The following MSRA variants were observed in gnomAD, a reference collection of about 807,000 sequenced individuals.
MSRA encodes methionine sulfoxide reductase A.
Under a neutral mutation model 31.3 loss-of-function variants are expected in MSRA, and 54 were observed. That is an observed-to-expected ratio of 1.73 (90% confidence interval 1.39 to 2.17). The LOEUF is 2.17. MSRA is among the 30% of genes most tolerant of loss of function. MSRA has a pLI of 0.00. For missense variants in MSRA, 507 were observed against 300.9 expected, an observed-to-expected ratio of 1.69 and a Z score of -5.07; for synonymous variants, 169 against 116.5, an observed-to-expected ratio of 1.45 and a Z score of -2.90.
chr8:10,077,673 C>G (rs2128921557), intron 1 of MSRA, among the ~76,000 whole-genome samples: 1 of 151,964 alleles, frequency 6.6e-6, no homozygotes, highest in African/African-American at 2.4e-5. Context: ...TCCTCTCAGC[C>G]TCCCTCACTC....
chr8:10,264,401 A>G (rs1015541880), intron 3 of MSRA, among the ~76,000 whole-genome samples: 6 of 152,250 alleles, frequency 3.9e-5, no homozygotes, highest in Non-Finnish European at 7.3e-5. Flanking sequence ...ATTGCAAGAT[A>G]TATTTGATTC....
chr8:10,335,397 G>T (rs957997364), intron 5 of MSRA, among the ~76,000 whole-genome samples: 9 of 151,824 alleles, frequency 5.9e-5, no homozygotes, highest in African/African-American at 2.2e-4. Flanking sequence ...TGGCTCCAAA[G>T]CCGCGAGGAC....
chr8:10,249,596 G>T (rs1224926884), intron 3 of MSRA, among the ~76,000 whole-genome samples: 1 of 152,060 alleles, frequency 6.6e-6, no homozygotes, highest in East Asian at 1.9e-4. Flanking sequence ...AGATGTTTTG[G>T]GCCTGAATTC....
intron 5 of MSRA, among the ~76,000 whole-genome samples, chr8:10,367,455 G>A (rs1416670017): frequency 2.6e-5 from 4 of 152,192 alleles, no homozygotes; most frequent in Non-Finnish European, 5.9e-5. Context: ...AGCATCCACC[G>A]GGGGTCTTGG....
intron 1 of MSRA, among the ~76,000 whole-genome samples, chr8:10,069,595 A>T (rs952889684): frequency 2.0e-5 from 3 of 152,226 alleles, no homozygotes; most frequent in African/African-American, 7.2e-5. Flanking sequence ...TTGGAGAAAC[A>T]GTGTGTCCTC....
chr8:10,274,644 G>A (rs1424112949), intron 3 of MSRA, among the ~76,000 whole-genome samples: 1 of 152,078 alleles, frequency 6.6e-6, no homozygotes, highest in African/African-American at 2.4e-5. Flanking sequence ...GTATCCATGT[G>A]TTATCCATAT....
At chr8:10,103,541 T>C (rs1799672781) in intron 1 of MSRA, among the ~76,000 whole-genome samples, 1 of 152,164 alleles carries the variant, frequency 6.6e-6, no homozygotes, top group African/African-American at 2.4e-5. Context: ...GTTCAGAATA[T>C]TAAGTGAGAT....
chr8:10,161,753 G>A (rs1255995426), intron 1 of MSRA, among the ~76,000 whole-genome samples: 1 of 152,086 alleles, frequency 6.6e-6, no homozygotes, highest in East Asian at 1.9e-4. Context: ...GTCTGCATCT[G>A]GGCAGCGATG....
At chr8:10,061,155 G>A (rs1254269348) in intron 1 of MSRA, among the ~76,000 whole-genome samples, 1 of 152,042 alleles carries the variant, frequency 6.6e-6, no homozygotes, top group African/African-American at 2.4e-5. Flanking sequence ...TGCTTTCCCA[G>A]TCTTTTTCTC....
chr8:10,162,188 C>T (rs1319753853), intron 1 of MSRA, among the ~76,000 whole-genome samples: 4 of 152,140 alleles, frequency 2.6e-5, no homozygotes, highest in Non-Finnish European at 5.9e-5. Context: ...TAACTCCTGC[C>T]ACTCTGAGCC....
At chr8:10,399,352 A>G (rs917967591) in intron 5 of MSRA, among the ~76,000 whole-genome samples, 26 of 152,192 alleles carry the variant, frequency 1.7e-4, no homozygotes, top group Non-Finnish European at 8.8e-5. Context: ...TGTGACCTCC[A>G]GTGTTGGCGG....
intron 5 of MSRA, among the ~76,000 whole-genome samples, chr8:10,328,997 C>A (rs1489972341): frequency 1.3e-5 from 2 of 152,304 alleles, no homozygotes; most frequent in East Asian, 3.9e-4. Context: ...CCATCTTGTT[C>A]TTGACCCTAA....
chr8:10,158,332 T>G (rs1337418279), intron 1 of MSRA, among the ~76,000 whole-genome samples: 1 of 152,216 alleles, frequency 6.6e-6, no homozygotes, highest in African/African-American at 2.4e-5. Context: ...ACGTTTGCAT[T>G]ACCTCAAAAA....
chr8:10,243,433 TG>T (rs1183437880), intron 2 of MSRA, among the ~76,000 whole-genome samples: 2 of 152,200 alleles, frequency 1.3e-5, no homozygotes, highest in African/African-American at 4.8e-5. Flanking sequence ...TGAATGCTTT[TG>T]CCGGAGACCT....
intron 5 of MSRA, chr8:10,337,165 C>G (rs914412073): frequency 6.5e-6 from 1 of 152,962 alleles, no homozygotes; most frequent in Non-Finnish European, 1.5e-5. Context: ...GCCAGCAGCT[C>G]TAGAAGCCTA....
chr8:10,361,961 G>C (rs1309012390), intron 5 of MSRA, among the ~76,000 whole-genome samples: 1 of 152,000 alleles, frequency 6.6e-6, no homozygotes, highest in African/African-American at 2.4e-5. Context: ...TCCTTCTCAT[G>C]ATCTGCGAGG....
At chr8:10,073,205 G>C (rs935834612) in intron 1 of MSRA, among the ~76,000 whole-genome samples, 2 of 152,144 alleles carry the variant, frequency 1.3e-5, no homozygotes, top group African/African-American at 4.8e-5. Context: ...TAGGGGAAAA[G>C]CATTCAGCCT....
intron 3 of MSRA, among the ~76,000 whole-genome samples, chr8:10,300,337 C>T (rs1800775811): frequency 6.6e-6 from 1 of 151,976 alleles, no homozygotes; most frequent in African/African-American, 2.4e-5. Context: ...CTTACTGCAA[C>T]CTCCACCTCT....
At chr8:10,228,223 C>A (rs762548573) in intron 2 of MSRA, among the ~76,000 whole-genome samples, 3 of 152,142 alleles carry the variant, frequency 2.0e-5, no homozygotes, top group African/African-American at 7.2e-5. Flanking sequence ...CCAGCTGTAG[C>A]CGGAATTGAG....
Sources: gnomAD v4.1 joint callset for allele counts (sites outside exome capture counted in the v4.1 genomes callset) on GRCh38, gnomAD v4.1.1 for gene constraint, MANE v1.5 for transcripts, NCBI Gene and HGNC (gene_info 2026-07-23, HGNC 2026-07-21) for gene names.